BACH2: variants seen among roughly 807,000 people sequenced by gnomAD.
The protein encoded by BACH2 is transcription regulator protein BACH2.
A neutral mutation model predicts 61.8 loss-of-function variants in BACH2; 5 were observed. The observed-to-expected ratio is 0.08, with a 90% CI of 0.04 to 0.17. BACH2 has a LOEUF of 0.17. Ranked by LOEUF, BACH2 falls within the 10% of genes least tolerant of loss-of-function variation. The pLI is 1.00. For missense variants in BACH2, 824 were observed against 1,091.1 expected, an observed-to-expected ratio of 0.76 and a Z score of 3.45; for synonymous variants, 446 against 440.1, an observed-to-expected ratio of 1.01 and a Z score of -0.17.
intron 7 of BACH2, among the ~76,000 whole-genome samples, chr6:89,946,345 G>C (rs1773720696): frequency 6.6e-6 from 1 of 152,154 alleles, no homozygotes; most frequent in African/African-American, 2.4e-5. Context: ...GGCAAGAATA[G>C]GGGAAATTGG....
At chr6:90,294,050 T>C (rs1772261520) in intron 1 of BACH2, among the ~76,000 whole-genome samples, 1 of 152,198 alleles carries the variant, frequency 6.6e-6, no homozygotes, top group Non-Finnish European at 1.5e-5. Flanking sequence ...TTCTTCTTCA[T>C]AGCAGATCCT....
intron 4 of BACH2, among the ~76,000 whole-genome samples, chr6:90,202,715 G>C (rs181685218): frequency 1.3e-5 from 2 of 152,336 alleles, no homozygotes; most frequent in East Asian, 3.9e-4. Flanking sequence ...AGAACAGCAT[G>C]TGACATGCCT....
chr6:90,188,398 T>G (rs1330140230), intron 4 of BACH2, among the ~76,000 whole-genome samples: 10 of 152,184 alleles, frequency 6.6e-5, no homozygotes, highest in Admixed American at 6.5e-4. Flanking sequence ...AGTTTCAGTT[T>G]CAAATGATAT....
chr6:90,224,828 T>A (rs1769857198), intron 3 of BACH2, among the ~76,000 whole-genome samples: 1 of 152,130 alleles, frequency 6.6e-6, no homozygotes, highest in Admixed American at 6.5e-5. Context: ...GCTCATCAAG[T>A]CATTCCCAAA....
At chr6:90,179,485 A>T (rs949079539) in intron 4 of BACH2, among the ~76,000 whole-genome samples, 1 of 152,162 alleles carries the variant, frequency 6.6e-6, no homozygotes, top group Non-Finnish European at 1.5e-5. Flanking sequence ...TAACTGATCT[A>T]CCAAAACAAA....
intron 4 of BACH2, among the ~76,000 whole-genome samples, chr6:90,102,842 A>AATAAT (rs1562445769): frequency 8.3e-6 from 1 of 119,824 alleles, no homozygotes; most frequent in Admixed American, 8.9e-5. Context: ...ATAATAATAA[A>AATAAT]AATAAAAGGA....
intron 1 of BACH2, among the ~76,000 whole-genome samples, chr6:90,296,145 A>C (rs1582578530): frequency 4.0e-5 from 6 of 151,848 alleles, no homozygotes; most frequent in Admixed American, 2.0e-4. Flanking sequence ...TGCCTGACTT[A>C]TTACTCTCTG....
chr6:90,098,556 A>G (rs1782478574), intron 4 of BACH2, among the ~76,000 whole-genome samples: 1 of 152,196 alleles, frequency 6.6e-6, no homozygotes, highest in Non-Finnish European at 1.5e-5. Context: ...AGATTCTTTA[A>G]AAACCTGAAG....
chr6:90,157,591 G>A (rs1349048647), intron 4 of BACH2, among the ~76,000 whole-genome samples: 1 of 152,148 alleles, frequency 6.6e-6, no homozygotes, highest in Non-Finnish European at 1.5e-5. Context: ...TAGGTTCCAG[G>A]GAAACCCATA....
chr6:90,286,261 C>G (rs614120), intron 1 of BACH2, among the ~76,000 whole-genome samples: 104,410 of 152,138 alleles, frequency 0.69, 37,369 homozygotes, highest in African/African-American at 0.9. Flanking sequence ...ACAATATCAA[C>G]ACGCTTAACA....
intron 1 of BACH2, among the ~76,000 whole-genome samples, chr6:90,286,319 T>C (rs1222018670): frequency 6.6e-6 from 1 of 152,216 alleles, no homozygotes; most frequent in African/African-American, 2.4e-5. Flanking sequence ...ATTTAAAACC[T>C]GTATGCTAAT....
chr6:89,975,786 T>C (rs1470240356), intron 6 of BACH2, among the ~76,000 whole-genome samples: 1 of 152,242 alleles, frequency 6.6e-6, no homozygotes, highest in Non-Finnish European at 1.5e-5. Flanking sequence ...GTGCTTTTGT[T>C]CTCGTTTTGG....
In BACH2 at chr6:90,172,609, A is replaced by C. The variant is rs112342180; in HGVS notation, c.-162+33960T>G. ...TGGGGAAAATGTCTTTAAAACACTG[A>C]AAGAAAATAATACTGAATATGTAAG... On this transcript the variant is annotated intron_variant, in intron 4 of 8. Coordinates refer to ENST00000257749, the MANE Select transcript of BACH2 (RefSeq NM_021813.4). Among the ~76,000 whole-genome samples, 157 of 152,236 alleles carry C rather than the reference A, an allele frequency of 1.0e-3. 1 individual carries two copies. The highest frequency in any genetic ancestry group is 3.5e-3 in the African/African-American group (144 of 41,550).
At chr6:90,019,327 T>A (rs1426178375) in intron 5 of BACH2, among the ~76,000 whole-genome samples, 1 of 152,198 alleles carries the variant, frequency 6.6e-6, no homozygotes, top group Non-Finnish European at 1.5e-5. Flanking sequence ...ATAAATTCTT[T>A]AATGAAACAT....
chr6:90,244,558 T>G (rs537051761), intron 3 of BACH2, among the ~76,000 whole-genome samples: 14 of 152,302 alleles, frequency 9.2e-5, no homozygotes, highest in African/African-American at 3.4e-4. Context: ...TTCTGGGGTC[T>G]CCATTTGGGT....
chr6:90,047,151 A>AC (rs1225910468), intron 5 of BACH2, among the ~76,000 whole-genome samples: 2 of 152,180 alleles, frequency 1.3e-5, no homozygotes, highest in Non-Finnish European at 2.9e-5. Flanking sequence ...CGAACTCCTG[A>AC]CTTCAGGTGA....
intron 1 of BACH2, among the ~76,000 whole-genome samples, chr6:90,293,255 C>G (rs569491885): frequency 6.6e-6 from 1 of 152,270 alleles, no homozygotes; most frequent in South Asian, 2.1e-4. Flanking sequence ...CATTAACAAT[C>G]AAGCCTGCAT....
At chr6:90,107,140 G>A (rs999666000) in intron 4 of BACH2, among the ~76,000 whole-genome samples, 4 of 152,160 alleles carry the variant, frequency 2.6e-5, no homozygotes, top group Non-Finnish European at 4.4e-5. Context: ...TTGGGAGGCC[G>A]AGGCGGGTGG....
intron 6 of BACH2, among the ~76,000 whole-genome samples, chr6:90,003,178 C>A (rs946016924): frequency 6.6e-6 from 1 of 152,182 alleles, no homozygotes; most frequent in Non-Finnish European, 1.5e-5. Flanking sequence ...CAAAAAAAGA[C>A]CAATCGCTCA....
Sources: allele counts gnomAD v4.1 joint callset (sites outside exome capture counted in the v4.1 genomes callset), GRCh38; gene constraint gnomAD v4.1.1; transcripts MANE v1.5; gene names NCBI Gene and HGNC (gene_info 2026-07-23, HGNC 2026-07-21).